KIF16B: variants seen among roughly 807,000 people sequenced by gnomAD.
The protein encoded by KIF16B is kinesin family member 16B.
KIF16B carries 98 observed loss-of-function variants against 156.3 expected under a neutral mutation model. The observed-to-expected ratio is 0.63, with a 90% CI of 0.53 to 0.74. KIF16B has a LOEUF of 0.74. Ranked by LOEUF, KIF16B falls within the 30% of genes least tolerant of loss-of-function variation. The probability of loss-of-function intolerance (pLI) is 0.00; values close to 1 mark genes in which losing one functional copy is unlikely to be tolerated. For synonymous variants in KIF16B, 564 were observed against 583.7 expected, an observed-to-expected ratio of 0.97 and a Z score of 0.49; for missense variants, 1,421 against 1,606.5, an observed-to-expected ratio of 0.88 and a Z score of 1.97.
intron 12 of KIF16B, among the ~76,000 whole-genome samples, chr20:16,476,627 T>G (rs901484418): frequency 6.6e-6 from 1 of 152,240 alleles, no homozygotes; most frequent in South Asian, 2.1e-4. Flanking sequence ...TTTAGGTATA[T>G]CATGGGCTAA....
Position 16,451,161 on chromosome 20 carries a change from T to C in KIF16B, c.1303-21179A>G, listed in dbSNP as rs1046837665. 3.3e-5 allele frequency among the ~76,000 whole-genome samples: 5 copies of C among 152,306 alleles called. No individual in the cohort carries two copies. The East Asian group carries it at 5.8e-4, about 18-fold the overall frequency. ...AAAATACAAATGAGAAAGACTGAAATAGAGCAAGTCGTTCAGCGTCGCATG... is the reference window on the plus strand; with the variant it reads ...AAAATACAAATGAGAAAGACTGAAACAGAGCAAGTCGTTCAGCGTCGCATG... On this transcript the variant is annotated intron_variant, in intron 12 of 25. Transcript: ENST00000354981.
Position 16,572,275 on chromosome 20 carries a change from C to T in KIF16B, c.47+954G>A, listed in dbSNP as rs1000422345. On this transcript the variant is annotated intron_variant, in intron 1 of 25. Transcript: ENST00000354981. ...TTCTGGAAATCTTTTGATTTTATGG[C>T]CTTCGGCTGCCCCAATCAGGCATCA... Among the ~76,000 whole-genome samples the T allele has an allele frequency of 5.9e-5, 9 of 152,192 alleles. No homozygotes were observed. The East Asian group carries it at 1.7e-3, about 29-fold the overall frequency.
At chr20:16,530,291 G>T (rs1353561031) in intron 1 of KIF16B, among the ~76,000 whole-genome samples, 1 of 152,180 alleles carries the variant, frequency 6.6e-6, no homozygotes, top group African/African-American at 2.4e-5. Flanking sequence ...TTGACTATGG[G>T]CTGGACCTGG....
At chr20:16,465,876 A>C (rs973901548) in intron 12 of KIF16B, among the ~76,000 whole-genome samples, 2 of 152,158 alleles carry the variant, frequency 1.3e-5, no homozygotes, top group African/African-American at 4.8e-5. Context: ...CTAAGAGAAG[A>C]CAGAACCAAG....
At chr20:16,413,255 C>A (rs896186176) in intron 15 of KIF16B, among the ~76,000 whole-genome samples, 2 of 152,020 alleles carry the variant, frequency 1.3e-5, no homozygotes, top group African/African-American at 4.8e-5. Context: ...TCCAGAGAGT[C>A]TTCAGAGGGG....
At chr20:16,503,963 A>T (rs778836627) in intron 10 of KIF16B, among the ~76,000 whole-genome samples, 5 of 152,238 alleles carry the variant, frequency 3.3e-5, no homozygotes, top group Non-Finnish European at 7.3e-5. Flanking sequence ...TGACACAGGC[A>T]TTCAGAAAGG....
At chr20:16,350,544 G>A (rs1198785940) in intron 23 of KIF16B, among the ~76,000 whole-genome samples, 1 of 152,100 alleles carries the variant, frequency 6.6e-6, no homozygotes, top group Admixed American at 6.5e-5. Context: ...CGGGAGGGAA[G>A]GTGGGGAGGA....
intron 12 of KIF16B, among the ~76,000 whole-genome samples, chr20:16,444,695 G>A (rs1354802555): frequency 2.6e-5 from 4 of 151,980 alleles, no homozygotes; most frequent in African/African-American, 7.2e-5. Flanking sequence ...CCATTTTTTT[G>A]TATCTACTTT....
intron 1 of KIF16B, among the ~76,000 whole-genome samples, chr20:16,531,043 T>C (rs1195510732): frequency 6.6e-6 from 1 of 152,074 alleles, no homozygotes; most frequent in East Asian, 1.9e-4. Flanking sequence ...GGTAATTTGT[T>C]ATACACTAAA....
intron 15 of KIF16B, among the ~76,000 whole-genome samples, chr20:16,426,069 T>C (rs1173223998): frequency 6.6e-6 from 1 of 151,964 alleles, no homozygotes; most frequent in Non-Finnish European, 1.5e-5. Context: ...AAGGGGGAAA[T>C]CCACCCACAT....
intron 6 of KIF16B, among the ~76,000 whole-genome samples, chr20:16,509,206 T>C (rs1297601947): frequency 1.3e-5 from 2 of 152,212 alleles, no homozygotes; most frequent in Non-Finnish European, 1.5e-5. Context: ...GATTGGATCA[T>C]ATGCATGTAC....
At chr20:16,313,672 A>G (rs1005470264) in intron 24 of KIF16B, among the ~76,000 whole-genome samples, 6 of 152,212 alleles carry the variant, frequency 3.9e-5, no homozygotes, top group African/African-American at 1.2e-4. Context: ...ACTTCATGCA[A>G]AAGATGTCAT....
At chr20:16,352,898 AAGCTATAC>A (rs1364771619) in intron 23 of KIF16B, among the ~76,000 whole-genome samples, 1 of 152,236 alleles carries the variant, frequency 6.6e-6, no homozygotes, top group Non-Finnish European at 1.5e-5. Flanking sequence ...TGACACCAGC[AAGCTATAC>A]AGCAAACAGG....
chr20:16,367,431 T>C (rs1173011020), intron 22 of KIF16B: 1 of 1,612,886 alleles, frequency 6.2e-7, no homozygotes, highest in Admixed American at 1.7e-5. Context: ...TCACATCAAA[T>C]TGTGCACCCG....
At chr20:16,433,424 T>A (rs997071378) in intron 12 of KIF16B, among the ~76,000 whole-genome samples, 1 of 152,196 alleles carries the variant, frequency 6.6e-6, no homozygotes, top group Non-Finnish European at 1.5e-5. Context: ...TGCTTTGGAC[T>A]ACATCCCAGT....
intron 1 of KIF16B, among the ~76,000 whole-genome samples, chr20:16,556,691 A>C (rs1164836238): frequency 1.3e-5 from 2 of 152,154 alleles, no homozygotes; most frequent in East Asian, 3.9e-4. Flanking sequence ...ACCTCCCTGC[A>C]CCCATTGCAT....
chr20:16,351,019 C>A (rs138072679), intron 23 of KIF16B, among the ~76,000 whole-genome samples: 1 of 151,956 alleles, frequency 6.6e-6, no homozygotes, highest in Non-Finnish European at 1.5e-5. Context: ...TGAGCTGTGA[C>A]CTTGGTTGTG....
chr20:16,353,961 C>T (rs768538013), intron 23 of KIF16B, among the ~76,000 whole-genome samples: 2 of 152,172 alleles, frequency 1.3e-5, no homozygotes, highest in South Asian at 2.1e-4. Context: ...GGAAGCGGAA[C>T]AATGACACGC....
chr20:16,379,679 TCTC>T lies in KIF16B; in HGVS notation c.2320_2322del (p.Glu774del). ...TCCCCACGCCGCAGGAGCTGGATCA[TCTC>T]CTGCTTCTCTCGGAGCTGCTCTTCC... On this transcript the variant is annotated inframe_deletion, in exon 19 of 26. Coordinates refer to ENST00000354981, the MANE Select transcript of KIF16B (RefSeq NM_024704.5). The T allele has an allele frequency of 1.2e-6, 2 of 1,614,070 alleles. No homozygotes were observed. Among genetic ancestry groups the T allele is most frequent in the Non-Finnish European group, 1.7e-6 (2 of 1,180,012 alleles).
Sources: allele counts gnomAD v4.1 joint callset (sites outside exome capture counted in the v4.1 genomes callset), GRCh38; gene constraint gnomAD v4.1.1; transcripts MANE v1.5; gene names NCBI Gene and HGNC (gene_info 2026-07-23, HGNC 2026-07-21).